The following COL19A1 variants were observed in gnomAD, a reference collection of about 807,000 sequenced individuals.
COL19A1 encodes the protein collagen alpha-1(XIX) chain.
COL19A1 carries 159 observed loss-of-function variants against 190.2 expected under a neutral mutation model. That is an observed-to-expected ratio of 0.84 (90% CI 0.73 to 0.95). COL19A1 has a LOEUF of 0.95. Ranked by LOEUF, COL19A1 falls within the 40% of genes least tolerant of loss-of-function variation. The pLI, the probability that COL19A1 is intolerant of heterozygous loss-of-function variation, is 0.00. For missense variants in COL19A1, 1,418 were observed against 1,431.9 expected (o/e 0.99, Z 0.16); for synonymous variants, 509 against 458.9 (o/e 1.11, Z -1.39).
At chr6:70,128,678 G>C (rs913223060) in intron 17 of COL19A1, among the ~76,000 whole-genome samples, 2 of 152,142 alleles carry the variant, frequency 1.3e-5, no homozygotes, top group African/African-American at 4.8e-5. Context: ...ATTATTCAAG[G>C]CTATTGCAAT....
intron 46 of COL19A1, among the ~76,000 whole-genome samples, chr6:70,186,703 G>A (rs1021751027): frequency 6.6e-6 from 1 of 151,980 alleles, no homozygotes; most frequent in African/African-American, 2.4e-5. Flanking sequence ...TGAAGCAACT[G>A]CCATGATCTC....
At chr6:69,947,084 C>A (rs550368647) in intron 9 of COL19A1, among the ~76,000 whole-genome samples, 2 of 151,982 alleles carry the variant, frequency 1.3e-5, no homozygotes, top group East Asian at 3.9e-4. Context: ...GCTTGCTGAT[C>A]CCTGCTCCGG....
At chr6:70,009,786 A>G (rs1777873138) in intron 11 of COL19A1, among the ~76,000 whole-genome samples, 1 of 152,194 alleles carries the variant, frequency 6.6e-6, no homozygotes, top group Non-Finnish European at 1.5e-5. Context: ...AAACCCACAT[A>G]TATCTAGACA....
chr6:70,144,757 A>G (rs927738155), intron 24 of COL19A1, among the ~76,000 whole-genome samples, 161 bp from the exon 25 acceptor site: 1 of 152,166 alleles, frequency 6.6e-6, no homozygotes, highest in South Asian at 2.1e-4. Flanking sequence ...TAGGTACTCA[A>G]TAAATATTAT....
At chr6:69,982,393 G>A (rs563002871) in intron 11 of COL19A1, among the ~76,000 whole-genome samples, 55 of 151,550 alleles carry the variant, frequency 3.6e-4, no homozygotes, top group African/African-American at 1.2e-3. Flanking sequence ...GGCACCTGCC[G>A]CCACACCCGA....
At chr6:70,183,274 T>A (rs185337614) in intron 44 of COL19A1, among the ~76,000 whole-genome samples, 2 of 152,106 alleles carry the variant, frequency 1.3e-5, no homozygotes, top group East Asian at 3.9e-4. Context: ...GTAGGCAGAA[T>A]GTACCCAGGA....
intron 1 of COL19A1, among the ~76,000 whole-genome samples, chr6:69,873,859 A>G (rs1438094935): frequency 1.3e-5 from 2 of 152,204 alleles, no homozygotes; most frequent in African/African-American, 4.8e-5. Flanking sequence ...AGTTTGAGAA[A>G]AAAATTTGAG....
intron 11 of COL19A1, among the ~76,000 whole-genome samples, chr6:70,004,505 A>C (rs1777489778): frequency 6.6e-6 from 1 of 151,880 alleles, no homozygotes; most frequent in Admixed American, 6.6e-5. Context: ...ATCTTCAGGT[A>C]CTCCAATCAA....
intron 15 of COL19A1, among the ~76,000 whole-genome samples, chr6:70,075,509 T>C (rs1319009707): frequency 6.6e-6 from 1 of 152,218 alleles, no homozygotes; most frequent in Non-Finnish European, 1.5e-5. Context: ...TCCTTTACTT[T>C]TGCCTCATAT....
intron 15 of COL19A1, among the ~76,000 whole-genome samples, chr6:70,082,672 A>G (rs774102843): frequency 1.3e-5 from 2 of 152,150 alleles, no homozygotes; most frequent in Non-Finnish European, 2.9e-5. Flanking sequence ...TGGCCTCCCA[A>G]AGTGCTGGGA....
chr6:70,182,183 GC>G (rs1766217393), intron 44 of COL19A1, among the ~76,000 whole-genome samples: 1 of 152,172 alleles, frequency 6.6e-6, no homozygotes, highest in African/African-American at 2.4e-5. Context: ...AGTGGAAACA[GC>G]CATGAGTAGA....
At chr6:69,976,291 T>C (rs1332827277) in intron 11 of COL19A1, among the ~76,000 whole-genome samples, 1 of 152,182 alleles carries the variant, frequency 6.6e-6, no homozygotes, top group Non-Finnish European at 1.5e-5. Flanking sequence ...TTAAAAGGCC[T>C]TCAATTTATT....
chr6:70,159,607 C>T (rs1332327960), intron 34 of COL19A1, among the ~76,000 whole-genome samples: 1 of 152,132 alleles, frequency 6.6e-6, no homozygotes, highest in African/African-American at 2.4e-5. Flanking sequence ...CCTGAAGTAA[C>T]ACATGATGCC....
At chr6:70,017,240 T>C (rs1420195762) in intron 11 of COL19A1, among the ~76,000 whole-genome samples, 1 of 152,078 alleles carries the variant, frequency 6.6e-6, no homozygotes, top group Non-Finnish European at 1.5e-5. Flanking sequence ...AGGCTACATA[T>C]TGTATAATTC....
rs543411791 is a variant in COL19A1 at position 70,211,674 on chromosome 6, G to C, written c.*4400G>C. Among the ~76,000 whole-genome samples, 1 of 151,442 alleles carries C rather than the reference G, an allele frequency of 6.6e-6. No individual in the cohort carries two copies. The highest frequency in any genetic ancestry group is 2.4e-5 in the African/African-American group (1 of 41,228). ...ATTTATTCAACTACTAAAAGTCTCAGGCAATAGGACAGATGAGTGTCATCA... is the reference window on the plus strand; with the variant it reads ...ATTTATTCAACTACTAAAAGTCTCACGCAATAGGACAGATGAGTGTCATCA... On this transcript the variant is annotated 3_prime_UTR_variant, in exon 51 of 51. Transcript: ENST00000620364.
intron 14 of COL19A1, among the ~76,000 whole-genome samples, chr6:70,054,914 T>C (rs551806764): frequency 2.6e-5 from 4 of 152,116 alleles, no homozygotes; most frequent in Non-Finnish European, 5.9e-5. Flanking sequence ...AGAAAAAAGA[T>C]AGTATATTTT....
intron 12 of COL19A1, among the ~76,000 whole-genome samples, chr6:70,028,388 T>C (rs1433193008): frequency 1.3e-5 from 2 of 152,136 alleles, no homozygotes; most frequent in Admixed American, 6.5e-5. Flanking sequence ...ACAAAAGTTG[T>C]CTTGTTTTGC....
rs545372730 is a variant in COL19A1 at position 70,209,522 on chromosome 6, C to A, written c.*2248C>A. The A allele has an allele frequency of 2.7e-4, 41 of 152,102 alleles. No homozygotes were observed. The highest frequency in any genetic ancestry group is 8.4e-4 in the African/African-American group (35 of 41,498). 9.4% of individuals were successfully genotyped at this position (152,102 alleles called of 1,614,324 possible). ...TATTCTACAAAATATGTCATGCATT[C>A]TTTCTTATGAATTGTATATTTAGAA... On this transcript the variant is annotated 3_prime_UTR_variant, in exon 51 of 51. Transcript: ENST00000620364.
chr6:70,134,813 A>G (rs1280736532), intron 18 of COL19A1, among the ~76,000 whole-genome samples: 1 of 152,206 alleles, frequency 6.6e-6, no homozygotes, highest in Non-Finnish European at 1.5e-5. Flanking sequence ...CACACACAGC[A>G]AGCAAGCAAT....
Sources: gnomAD v4.1 joint callset for allele counts (sites outside exome capture counted in the v4.1 genomes callset) on GRCh38, gnomAD v4.1.1 for gene constraint, MANE v1.5 for transcripts, NCBI Gene and HGNC (gene_info 2026-07-23, HGNC 2026-07-21) for gene names.